The following KNL1 variants were observed in gnomAD, a reference collection of about 807,000 sequenced individuals.
The protein encoded by KNL1 is outer kinetochore KNL1 complex subunit KNL1.
A neutral mutation model predicts 201.3 loss-of-function variants in KNL1; 66 were observed. The observed-to-expected ratio is 0.33, with a 90% CI of 0.27 to 0.40. The LOEUF is 0.40. Ranked by LOEUF, KNL1 falls within the 10% of genes least tolerant of loss-of-function variation. KNL1 has a pLI of 1.00. For synonymous variants in KNL1, 895 were observed against 899.2 expected (o/e 1.00, Z 0.08); for missense variants, 2,815 against 2,690.5 (o/e 1.05, Z -1.02).
chr15:40,646,547 A>T (rs1175743121), intron 16 of KNL1, among the ~76,000 whole-genome samples: 1 of 152,014 alleles, frequency 6.6e-6, no homozygotes, highest in African/African-American at 2.4e-5. Context: ...TAAAGCTTTG[A>T]CCTTCATTTT....
At chr15:40,640,101 T>TTC (rs923826799) in intron 13 of KNL1, among the ~76,000 whole-genome samples, 1 of 146,260 alleles carries the variant, frequency 6.8e-6, no homozygotes, top group African/African-American at 2.5e-5. Flanking sequence ...TTCTTTTCTT[T>TTC]TTTTTTTTTT....
At chr15:40,597,815 A>C (rs1323602808) in intron 1 of KNL1, among the ~76,000 whole-genome samples, 1 of 152,228 alleles carries the variant, frequency 6.6e-6, no homozygotes, top group Non-Finnish European at 1.5e-5. Context: ...CAACAAAGAT[A>C]TTTAGGTGAT....
Position 40,608,897 on chromosome 15 carries a change from A to G in KNL1, c.186A>G (p.Ala62=), listed in dbSNP as rs1193552178. Residue 62 remains alanine (A), a synonymous_variant, in exon 5 of 26, where the codon GCA becomes GCG. Coordinates refer to ENST00000399668, the MANE Select transcript of KNL1 (RefSeq NM_144508.5). ...NKKNSRRVSF[A]DTIKVFQTES... ...AAAACTCTCGTCGAGTCAGCTTTGC[A>G]GATACTATAAAGTAAGTTGAAAGCA... 2 of 1,609,462 alleles carry G rather than the reference A, an allele frequency of 1.2e-6. No individual in the cohort carries two copies. The highest frequency in any genetic ancestry group is 1.7e-6 in the Non-Finnish European group (2 of 1,177,056).
At chr15:40,642,150 A>T (rs1298319424) in intron 14 of KNL1, among the ~76,000 whole-genome samples, 1 of 152,262 alleles carries the variant, frequency 6.6e-6, no homozygotes, top group African/African-American at 2.4e-5. Context: ...CTGTAATCCC[A>T]GCACTTTGGG....
At chr15:40,630,482 T>C (rs962403552) in intron 13 of KNL1, among the ~76,000 whole-genome samples, 16 of 152,216 alleles carry the variant, frequency 1.1e-4, no homozygotes, top group Admixed American at 1.0e-3. Context: ...GGTTAGGAAC[T>C]GGGCCAAACA....
At position 40,662,135 on chromosome 15, in the gene KNL1, G is replaced by T. The variant is rs1327765644; in HGVS notation, c.6898G>T (p.Val2300Leu). ...VPLENNYLKN[V>L]VKQIYQDLFQ... is the part of the protein sequence containing the mutation. The stretch of plus-strand genomic sequence containing the variant: ...ACTGGAGAACAACTACCTGAAGAAT[G>T]TAGTCAAGCAAATTTACCAAGATCT... Residue 2300 changes from valine (V) to leucine (L), a missense_variant, in exon 26 of 26, where the codon GTA (valine) becomes TTA (leucine). Around this residue, in one of 3 missense-constraint regions of KNL1, gnomAD observed 334 missense variants for 362.6 expected, o/e 0.92. Coordinates refer to ENST00000399668, the MANE Select transcript of KNL1 (RefSeq NM_144508.5). The T allele has an allele frequency of 6.2e-7, 1 of 1,613,124 alleles. No individual in the cohort carries two copies. Among genetic ancestry groups the T allele is most frequent in the Admixed American group, 1.7e-5 (1 of 59,984 alleles).
intron 1 of KNL1, among the ~76,000 whole-genome samples, chr15:40,596,726 C>A (rs1891630326): frequency 6.6e-6 from 1 of 151,912 alleles, no homozygotes; most frequent in Non-Finnish European, 1.5e-5. Context: ...TTGGGCCGGG[C>A]ACGGTGGCTC....
At chr15:40,614,101 C>G (rs1254639256) in intron 7 of KNL1, among the ~76,000 whole-genome samples, 1 of 132,546 alleles carries the variant, frequency 7.5e-6, no homozygotes, top group Non-Finnish European at 1.6e-5. Flanking sequence ...CCTGGCCCCC[C>G]TTTTTTTTTT....
At chr15:40,613,152 A>G (rs954886696) in intron 7 of KNL1, among the ~76,000 whole-genome samples, 1 of 152,212 alleles carries the variant, frequency 6.6e-6, no homozygotes, top group Non-Finnish European at 1.5e-5. Context: ...TTTATGCTAA[A>G]TAGAGAAATC....
At chr15:40,644,704 G>A (rs894427658) in intron 14 of KNL1, among the ~76,000 whole-genome samples, 5 of 152,200 alleles carry the variant, frequency 3.3e-5, no homozygotes, top group Non-Finnish European at 7.3e-5. Context: ...CTTTTACCAA[G>A]TATACTGCTT....
At chr15:40,653,760 G>T (rs73394795) in intron 21 of KNL1, among the ~76,000 whole-genome samples, 1 of 152,098 alleles carries the variant, frequency 6.6e-6, no homozygotes, top group South Asian at 2.1e-4. Flanking sequence ...ACCTCTGCAC[G>T]TTGGCCACAG....
intron 1 of KNL1, among the ~76,000 whole-genome samples, chr15:40,595,553 A>G (rs990397520): frequency 3.9e-5 from 6 of 152,206 alleles, no homozygotes; most frequent in African/African-American, 1.2e-4. Flanking sequence ...ATTGAATTAA[A>G]ATGTTTGGAA....
rs755066264 is a variant in KNL1, at chr15:40,628,164, C to T, written c.5471C>T (p.Ser1824Phe). The change falls in exon 11 of 26, where the codon TCT (serine) becomes TTT (phenylalanine). Residue 1824 changes from serine to phenylalanine, a missense_variant. Coordinates refer to ENST00000399668, the MANE Select transcript of KNL1 (RefSeq NM_144508.5). ...AGGACCCCATCTAGTTGCAGCAGCT[C>T]TCTGGATTCAATCAAGGCTGATGGG... is the stretch of plus-strand genomic sequence containing the variant. ...LSRTPSSCSS[S>F]LDSIKADGTS... 1 of 1,613,028 alleles carries T rather than the reference C, an allele frequency of 6.2e-7. No individual in the cohort carries two copies. The highest frequency in any genetic ancestry group is 8.5e-7 in the Non-Finnish European group (1 of 1,179,614).
chr15:40,634,112 T>A (rs1284155519), intron 13 of KNL1, among the ~76,000 whole-genome samples: 1 of 152,128 alleles, frequency 6.6e-6, no homozygotes. Context: ...TGTTTGTTTG[T>A]TTGTTTGTTT....
chr15:40,649,511 G>T (rs1893490886), intron 17 of KNL1, among the ~76,000 whole-genome samples: 1 of 151,730 alleles, frequency 6.6e-6, no homozygotes, highest in Admixed American at 6.6e-5. Flanking sequence ...GGCCAGGCTG[G>T]TCTCAACTCC....
At position 40,623,152 on chromosome 15, in the gene KNL1, A is replaced by G; in HGVS notation, c.2888A>G (p.Asp963Gly). The G allele has an allele frequency of 1.2e-6, 2 of 1,613,952 alleles. No individual in the cohort carries two copies. The highest frequency in any genetic ancestry group is 2.2e-5 in the South Asian group (2 of 91,072). Reference sequence around the variant, plus strand: ...ACAGAGTCCCATACTGTTTTCATTGACTACCAAGAAAAGGAAAGAACAGAC... The same window carrying G: ...ACAGAGTCCCATACTGTTTTCATTGGCTACCAAGAAAAGGAAAGAACAGAC... Reference protein sequence around the residue: ...EMTESHTVFIDYQEKERTDRP... With the variant: ...EMTESHTVFIGYQEKERTDRP... Residue 963 changes from aspartate (D) to glycine (G), a missense_variant, in exon 10 of 26, where the codon GAC becomes GGC. Around this residue, in one of 3 missense-constraint regions of KNL1, gnomAD observed 2,464 missense variants for 2,291.7 expected, o/e 1.08. Transcript: ENST00000399668.
chr15:40,604,353 G>C (rs1044403611), intron 2 of KNL1, among the ~76,000 whole-genome samples: 1 of 152,118 alleles, frequency 6.6e-6, no homozygotes, highest in Admixed American at 6.6e-5. Flanking sequence ...GCAGTCATAA[G>C]TTTTTGGCTT....
At chr15:40,619,219 C>T (rs1892437376) in intron 9 of KNL1, among the ~76,000 whole-genome samples, 1 of 151,956 alleles carries the variant, frequency 6.6e-6, no homozygotes, top group Non-Finnish European at 1.5e-5. Context: ...ACCAGTACCT[C>T]TCAAAGTTTA....
chr15:40,629,471 CTTTTTTTTTTTTTTTTGCCTTTTCTTT>C (rs1892845510), intron 13 of KNL1, 100 bp downstream of exon 13: 6 of 192,194 alleles, frequency 3.1e-5, no homozygotes, highest in African/African-American at 4.1e-5. Flanking sequence ...AGAGAGTTTT[CTTTTTTTTTTTTTTTTGCCTTTTCTTT>C]TTTTTTTTTT....
Sources: allele counts gnomAD v4.1 joint callset (sites outside exome capture counted in the v4.1 genomes callset), GRCh38; gene constraint gnomAD v4.1.1; regional missense constraint gnomAD v4.1.1; transcripts MANE v1.5; gene names NCBI Gene and HGNC (gene_info 2026-07-23, HGNC 2026-07-21).